MRPL39: variants seen among roughly 807,000 people sequenced by gnomAD.
MRPL39 encodes the protein large ribosomal subunit protein mL39.
Under a neutral mutation model 44.5 loss-of-function variants are expected in MRPL39, and 35 were observed. That is an observed-to-expected ratio of 0.79 (90% CI 0.60 to 1.04). The LOEUF is 1.04. MRPL39 is among the 50% of genes least tolerant of loss of function. The probability of loss-of-function intolerance (pLI) is 0.00; values close to 1 mark genes in which losing one functional copy is unlikely to be tolerated. For synonymous variants in MRPL39, 139 were observed against 136.1 expected (o/e 1.02, Z -0.15); for missense variants, 433 against 413.5 (o/e 1.05, Z -0.41).
In MRPL39 at chr21:25,585,752, T is replaced by A; in HGVS notation, c.972A>T (p.Val324=). The change falls in exon 10 of 10, where the codon GTA becomes GTT. Residue 324 remains valine, a splice_region_variant and synonymous_variant. Coordinates refer to ENST00000352957, the MANE Select transcript of MRPL39 (RefSeq NM_017446.4). ...DKLLERSRKM[V]TEDQSKATEE... is the part of the protein sequence containing the mutation. Reference sequence around the variant, plus strand: ...CTGTTGCTTTACTTTGATCTTCAGTTACCTGTAAAAACATGAATAGCTTTA... The same window carrying A: ...CTGTTGCTTTACTTTGATCTTCAGTAACCTGTAAAAACATGAATAGCTTTA... 6.3e-7 allele frequency: 1 copy of A among 1,585,002 alleles called. No homozygotes were observed. The highest frequency in any genetic ancestry group is 1.2e-5 in the South Asian group (1 of 86,076).
intron 6 of MRPL39, among the ~76,000 whole-genome samples, chr21:25,597,064 G>A (rs2031381989): frequency 6.6e-6 from 1 of 152,196 alleles, no homozygotes; most frequent in South Asian, 2.1e-4. Flanking sequence ...ATGCCACTAT[G>A]TTGATATAAT....
At chr21:25,592,451 G>A (rs149316399) in intron 8 of MRPL39, among the ~76,000 whole-genome samples, 1 of 152,128 alleles carries the variant, frequency 6.6e-6, no homozygotes, top group African/African-American at 2.4e-5. Flanking sequence ...CAGGCTTCGG[G>A]TCATGATGGA....
At chr21:25,592,277 C>T (rs1539764) in intron 8 of MRPL39, among the ~76,000 whole-genome samples, 11,076 of 152,184 alleles carry the variant, frequency 0.073, 993 homozygotes, top group African/African-American at 0.2. Flanking sequence ...GTATCGCTGT[C>T]CATACCCTGG....
At chr21:25,606,314 G>T in intron 2 of MRPL39, 135 bp downstream of exon 2, 1 of 729,938 alleles carries the variant, frequency 1.4e-6, no homozygotes, top group Non-Finnish European at 2.2e-6. Flanking sequence ...CAGGTCTCAA[G>T]AAAGGATTTT....
At chr21:25,599,513 G>T (rs2829826) in intron 5 of MRPL39, among the ~76,000 whole-genome samples, 106,675 of 151,986 alleles carry the variant, frequency 0.7, 38,886 homozygotes, top group Non-Finnish European at 0.82. Context: ...CCACTTAGAA[G>T]GAACATCAAG....
rs548247252 is a variant in MRPL39 at position 25,597,015 on chromosome 21, G to A, written c.701+287C>T. ...ACACACAATTATATAGTCGCTTAAC[G>A]TACATTATCACTTCACACTAGAAAG... is the stretch of plus-strand genomic sequence containing the variant. On this transcript the variant is annotated intron_variant, in intron 6 of 9. Transcript: ENST00000352957. Among the ~76,000 whole-genome samples the A allele has an allele frequency of 7.2e-5, 11 of 152,142 alleles. No homozygotes were observed. The East Asian group carries it at 7.7e-4, about 11-fold the overall frequency.
chr21:25,606,749 A>G, intron 1 of MRPL39, 94 bp from the exon 2 acceptor site: 1 of 922,054 alleles, frequency 1.1e-6, no homozygotes, highest in Non-Finnish European at 1.6e-6. Context: ...AATTTGTAAT[A>G]TTAACAAACA....
upstream of MRPL39, chr21:25,607,616 C>G: frequency 1.2e-6 from 1 of 812,184 alleles, no homozygotes; most frequent in South Asian, 1.8e-5. Context: ...GGCGTCAGGC[C>G]TCGCTGGGGA....
At chr21:25,606,957 T>C (rs2031695635) in intron 1 of MRPL39, among the ~76,000 whole-genome samples, 1 of 152,232 alleles carries the variant, frequency 6.6e-6, no homozygotes, top group Admixed American at 6.5e-5. Flanking sequence ...GTGGTCGGTT[T>C]GACAGGGTCT....
At chr21:25,592,351 G>T (rs1170423955) in intron 8 of MRPL39, among the ~76,000 whole-genome samples, 1 of 152,010 alleles carries the variant, frequency 6.6e-6, no homozygotes, top group Non-Finnish European at 1.5e-5. Context: ...AAGGTACATG[G>T]GATCTCTCTA....
chr21:25,597,276 T>C, intron 6 of MRPL39, 26 bp downstream of exon 6: 1 of 1,437,086 alleles, frequency 7.0e-7, no homozygotes, highest in East Asian at 2.3e-5. Context: ...AGAGTTAGCC[T>C]TGATTTAAAG....
rs1205754812 is a variant in MRPL39 at position 25,597,395 on chromosome 21, G to A, written c.608C>T (p.Thr203Ile). Residue 203 changes from threonine to isoleucine, a missense_variant, in exon 6 of 10, where the codon ACA becomes ATA. Thr to Ile is a moderately conservative substitution (Grantham distance 89). Coordinates refer to ENST00000352957, the MANE Select transcript of MRPL39 (RefSeq NM_017446.4). The stretch of plus-strand genomic sequence containing the variant: ...ATAAATTAAAGCATGAGCATCTTTT[G>A]TGAAGGAACGTAAGTTCTCCTTAAA... ...MPTKENLRSFTKDAHALIYKD... is the reference protein window; with the variant it reads ...MPTKENLRSFIKDAHALIYKD... 8.9e-6 allele frequency: 14 copies of A among 1,567,366 alleles called. No homozygotes were observed. Among genetic ancestry groups the A allele is most frequent in the Non-Finnish European group, 1.1e-5 (13 of 1,144,014 alleles).
At chr21:25,607,597 C>T (rs1363107749), upstream of MRPL39, 3 of 973,284 alleles carry the variant, frequency 3.1e-6, no homozygotes, top group African/African-American at 3.3e-5. Context: ...CTGCTCGCCT[C>T]CACCGGGGGG....
intron 3 of MRPL39, 125 bp downstream of exon 3, chr21:25,603,671 A>G: frequency 1.0e-6 from 1 of 994,022 alleles, no homozygotes; most frequent in Admixed American, 3.0e-5. Flanking sequence ...TAAAACATTG[A>G]CTAAAGAGTA....
chr21:25,588,975 A>G, intron 8 of MRPL39, 93 bp from the exon 9 acceptor site: 1 of 1,111,066 alleles, frequency 9.0e-7, no homozygotes, highest in Non-Finnish European at 1.3e-6. Flanking sequence ...AACAAAATAA[A>G]TAAAAAGCTA....
Position 25,607,424 on chromosome 21 carries a change from G to A in MRPL39, c.52C>T (p.Pro18Ser). Reference sequence around the variant, plus strand: ...TCACTCCATTTGATCCCGCCACCGGGTGCGACCAGCCAGAGCCGCAGCGCC... The same window carrying A: ...TCACTCCATTTGATCCCGCCACCGGATGCGACCAGCCAGAGCCGCAGCGCC... ...SRALRLWLVA[P>S]GGGIKWRFIA... Residue 18 changes from proline (P) to serine (S), a missense_variant, in exon 1 of 10, where the codon CCC becomes TCC. By Grantham distance (74) the Pro-to-Ser change is moderately conservative. Transcript: ENST00000352957. 1 of 1,613,514 alleles carries A rather than the reference G, an allele frequency of 6.2e-7. No homozygotes were observed. The highest frequency in any genetic ancestry group is 8.5e-7 in the Non-Finnish European group (1 of 1,179,962).
At chr21:25,603,264 G>A (rs1190439112) in intron 3 of MRPL39, among the ~76,000 whole-genome samples, 8 of 152,172 alleles carry the variant, frequency 5.3e-5, no homozygotes, top group African/African-American at 1.4e-4. Flanking sequence ...GGCCAAGCTG[G>A]AAAGGCAGGC....
At chr21:25,596,438 A>G (rs2031362846) in intron 6 of MRPL39, among the ~76,000 whole-genome samples, 1 of 152,238 alleles carries the variant, frequency 6.6e-6, no homozygotes, top group African/African-American at 2.4e-5. Flanking sequence ...AACTCAGCTT[A>G]ACACAGTACA....
intron 6 of MRPL39, among the ~76,000 whole-genome samples, chr21:25,597,031 C>CGTTATGT (rs2031380947): frequency 6.6e-6 from 1 of 151,992 alleles, no homozygotes; most frequent in Non-Finnish European, 1.5e-5. Flanking sequence ...TATCACTTCA[C>CGTTATGT]ACTAGAAAGA....
Sources: allele counts gnomAD v4.1 joint callset (sites outside exome capture counted in the v4.1 genomes callset), GRCh38; gene constraint gnomAD v4.1.1; transcripts MANE v1.5; gene names NCBI Gene and HGNC (gene_info 2026-07-23, HGNC 2026-07-21).